C10orf143: variants seen among roughly 807,000 people sequenced by gnomAD.
C10orf143 encodes the protein uncharacterized protein C10orf143.
chr10:130,104,520 C>A (rs1008064027), intron 1 of C10orf143: 3 of 152,150 alleles, frequency 2.0e-5, no homozygotes, highest in African/African-American at 7.2e-5. Flanking sequence ...ATTCTGGAGA[C>A]GCCTGTGAGA....
At chr10:130,083,511 T>C (rs1427273206) in intron 1 of C10orf143, among the ~76,000 whole-genome samples, 1 of 151,952 alleles carries the variant, frequency 6.6e-6, no homozygotes, top group Non-Finnish European at 1.5e-5. Context: ...CACTGGAGAG[T>C]GGTTGGATAA....
chr10:130,083,915 G>T (rs1034030318), intron 1 of C10orf143, among the ~76,000 whole-genome samples: 1 of 152,058 alleles, frequency 6.6e-6, no homozygotes, highest in African/African-American at 2.4e-5. Flanking sequence ...CAAGACATAG[G>T]GGGAGAGGAA....
chr10:130,083,029 T>C (rs2134774374), intron 1 of C10orf143, among the ~76,000 whole-genome samples: 1 of 152,110 alleles, frequency 6.6e-6, no homozygotes, highest in Non-Finnish European at 1.5e-5. Flanking sequence ...GTTTGCAATA[T>C]ATACCACAGA....
chr10:130,089,122 G>T (rs1861340960), intron 1 of C10orf143, among the ~76,000 whole-genome samples: 1 of 152,202 alleles, frequency 6.6e-6, no homozygotes, highest in African/African-American at 2.4e-5. Context: ...AATTCTAGGG[G>T]AGTGAGTTAT....
intron 3 of C10orf143, among the ~76,000 whole-genome samples, chr10:130,046,742 G>GC (rs1860678806): frequency 6.6e-6 from 1 of 152,246 alleles, no homozygotes; most frequent in Admixed American, 6.5e-5. Context: ...TGCACCTGAG[G>GC]CCACCAGCTC....
chr10:130,085,794 A>AT (rs1861282184), intron 1 of C10orf143, among the ~76,000 whole-genome samples: 2 of 151,972 alleles, frequency 1.3e-5, no homozygotes, highest in African/African-American at 4.8e-5. Flanking sequence ...ATGAAAAAAA[A>AT]ATATCTTGCA....
At chr10:130,079,476 A>C (rs74162551) in intron 3 of C10orf143, 90 bp downstream of exon 3, 2 of 398,298 alleles carry the variant, frequency 5.0e-6, no homozygotes, top group Non-Finnish European at 8.8e-6. Context: ...CAGAAACATA[A>C]TTGCAGTTTT....
intron 3 of C10orf143, among the ~76,000 whole-genome samples, chr10:130,077,594 T>C (rs1411099574): frequency 6.6e-6 from 1 of 152,254 alleles, no homozygotes; most frequent in African/African-American, 2.4e-5. Context: ...CAGGCATTTG[T>C]GAATGGAACT....
intron 3 of C10orf143, among the ~76,000 whole-genome samples, chr10:130,040,142 C>T (rs1860589306): frequency 6.6e-6 from 1 of 152,130 alleles, no homozygotes. Flanking sequence ...TGCCCCCTCC[C>T]TAAGGGAGTG....
rs897122472 is a variant in C10orf143 at position 130,064,186 on chromosome 10, G to A, written c.*168C>T. 7 of 392,266 alleles carry A rather than the reference G, an allele frequency of 1.8e-5. No individual in the cohort carries two copies. Among genetic ancestry groups the A allele is most frequent in the Non-Finnish European group, 3.1e-5 (7 of 222,826 alleles). The allele number at this position is 392,266 out of a possible 1,614,324, so 24.3% of individuals were successfully genotyped here. The stretch of plus-strand genomic sequence containing the variant: ...CCTGGCTCTCGTGCAGAGGATGGTG[G>A]ATTTACTAGAATGAAAGGACAGACA... On this transcript the variant is annotated 3_prime_UTR_variant, in exon 4 of 4. Coordinates refer to ENST00000637128, the MANE Select transcript of C10orf143 (RefSeq NM_001355042.2).
downstream of C10orf143, among the ~76,000 whole-genome samples, chr10:130,059,767 C>T (rs1295502070): frequency 2.6e-5 from 4 of 152,118 alleles, no homozygotes; most frequent in African/African-American, 9.7e-5. Flanking sequence ...GAGAGAGATA[C>T]TTAGGAACCC....
chr10:130,070,964 G>A (rs1861022947), intron 3 of C10orf143, among the ~76,000 whole-genome samples: 1 of 152,208 alleles, frequency 6.6e-6, no homozygotes, highest in Non-Finnish European at 1.5e-5. Context: ...CACCCAGGCT[G>A]GAGTGCAGTG....
At chr10:130,049,277 C>A (rs1457834801) in intron 3 of C10orf143, among the ~76,000 whole-genome samples, 1 of 152,218 alleles carries the variant, frequency 6.6e-6, no homozygotes, top group Non-Finnish European at 1.5e-5. Flanking sequence ...CATCTTTGAG[C>A]AATGGGGGCT....
At chr10:130,100,400 C>A (rs617113) in intron 1 of C10orf143, among the ~76,000 whole-genome samples, 3 of 151,494 alleles carry the variant, frequency 2.0e-5, no homozygotes, top group Middle Eastern at 3.2e-3. Context: ...CGTGGTGGTG[C>A]GTGCCTGTAG....
At chr10:130,035,302 C>T (rs1226728126) in intron 4 of C10orf143, among the ~76,000 whole-genome samples, 1 of 152,180 alleles carries the variant, frequency 6.6e-6, no homozygotes, top group Non-Finnish European at 1.5e-5. Context: ...GTGTCTTTGC[C>T]TCCTCTTCTT....
chr10:130,101,855 AAAAAAAAACC>A (rs1352030164), intron 1 of C10orf143, among the ~76,000 whole-genome samples: 2,223 of 35,336 alleles, frequency 0.063, 268 homozygotes, highest in East Asian at 0.22. Flanking sequence ...GTCTCAAAAA[AAAAAAAAACC>A]AAAAAAAAAA....
At chr10:130,053,673 T>G (rs1033956434) in intron 3 of C10orf143, among the ~76,000 whole-genome samples, 8 of 152,232 alleles carry the variant, frequency 5.3e-5, no homozygotes, top group African/African-American at 1.9e-4. Flanking sequence ...CCAAGAGGGC[T>G]CCTCGAAAGC....
chr10:130,098,861 TG>T (rs1590033204), intron 1 of C10orf143, among the ~76,000 whole-genome samples: 1 of 152,140 alleles, frequency 6.6e-6, no homozygotes, highest in East Asian at 1.9e-4. Context: ...CCGAGGTGGG[TG>T]GATCACTGAG....
intron 3 of C10orf143, among the ~76,000 whole-genome samples, chr10:130,075,968 GT>G (rs1861109151): frequency 6.7e-6 from 1 of 149,378 alleles, no homozygotes; most frequent in Non-Finnish European, 1.5e-5. Flanking sequence ...GTGTGTATGT[GT>G]GTGTTTTTTG....
Sources: allele counts gnomAD v4.1 joint callset (sites outside exome capture counted in the v4.1 genomes callset), GRCh38; gene constraint gnomAD v4.1.1; transcripts MANE v1.5; gene names NCBI Gene and HGNC (gene_info 2026-07-23, HGNC 2026-07-21).